The following BUB1 variants were observed in gnomAD, a reference collection of about 807,000 sequenced individuals.
BUB1 encodes mitotic checkpoint serine/threonine-protein kinase BUB1.
A neutral mutation model predicts 135.2 loss-of-function variants in BUB1; 84 were observed. That is an observed-to-expected ratio of 0.62 (90% CI 0.52 to 0.74). BUB1 has a LOEUF of 0.74. BUB1 is among the 30% of genes least tolerant of loss of function. The pLI is 0.00. For missense variants in BUB1, 1,162 were observed against 1,288.3 expected, an observed-to-expected ratio of 0.90 and a Z score of 1.50; for synonymous variants, 403 against 434.4, an observed-to-expected ratio of 0.93 and a Z score of 0.90.
intron 9 of BUB1, among the ~76,000 whole-genome samples, chr2:110,662,153 T>C (rs1365426621): frequency 6.6e-6 from 1 of 152,250 alleles, no homozygotes; most frequent in Admixed American, 6.5e-5. Context: ...CTTTACTTAA[T>C]TTTGGGAAAA....
chr2:110,642,618 G>A (rs1689535157), intron 19 of BUB1: 2 of 153,728 alleles, frequency 1.3e-5, no homozygotes, highest in African/African-American at 4.8e-5. Context: ...AATTGGGTTT[G>A]TTTGATACAT....
chr2:110,637,891 A>G lies in BUB1; in HGVS notation c.*73T>C, dbSNP rs963345687. The stretch of plus-strand genomic sequence containing the variant: ...CAAACATTTACATAAACAATAAATG[A>G]AAAAAAAACAGGTTTAAAGTGAGCA... On this transcript the variant is annotated 3_prime_UTR_variant, in exon 25 of 25. Coordinates refer to ENST00000302759, the MANE Select transcript of BUB1 (RefSeq NM_004336.5). 54 of 1,029,364 alleles carry G rather than the reference A, an allele frequency of 5.2e-5. No individual in the cohort carries two copies. The African/African-American group carries it at 8.4e-4, about 16-fold the overall frequency. The allele number at this position is 1,029,364 out of a possible 1,614,324, so 63.8% of individuals were successfully genotyped here.
chr2:110,642,196 C>G lies in BUB1; in HGVS notation c.2386G>C (p.Gly796Arg), dbSNP rs774922803. 3 of 1,613,658 alleles carry G rather than the reference C, an allele frequency of 1.9e-6. No individual in the cohort carries two copies. The highest frequency in any genetic ancestry group is 2.5e-6 in the Non-Finnish European group (3 of 1,179,794). The part of the protein sequence containing the change: ...LVYVHHLLGE[G>R]AFAQVYEATQ... ...GCTTCGTACACCTGGGCAAAGGCTC[C>G]TTCTCCAAGAAGGTGATGGACATAG... Residue 796 changes from glycine (G) to arginine (R), a missense_variant, in exon 20 of 25, where the codon GGA becomes CGA. Transcript: ENST00000302759.
rs867863036 is a variant in BUB1 at position 110,650,720 on chromosome 2, G to A, written c.2029C>T (p.Arg677Cys). The change falls in exon 18 of 25, where the codon CGT (arginine) becomes TGT (cysteine). Residue 677 changes from arginine (R) to cysteine (C), a missense_variant. Arg to Cys is a radical substitution (Grantham distance 180). Coordinates refer to ENST00000302759, the MANE Select transcript of BUB1 (RefSeq NM_004336.5). ...SSHMYSASLL[R>C]LSQPAAGGVL... ...CCACCTGCAGCAGGCTGGCTCAGACGAAGTAAGGATGCTGAATACATGTGA... is the reference window on the plus strand; with the variant it reads ...CCACCTGCAGCAGGCTGGCTCAGACAAAGTAAGGATGCTGAATACATGTGA... The A allele has an allele frequency of 5.6e-6, 9 of 1,613,928 alleles. No homozygotes were observed. Among genetic ancestry groups the A allele is most frequent in the African/African-American group, 5.3e-5 (4 of 74,896 alleles).
intron 16 of BUB1, among the ~76,000 whole-genome samples, chr2:110,653,946 A>C (rs1468514365): frequency 6.6e-6 from 1 of 152,194 alleles, no homozygotes; most frequent in Non-Finnish European, 1.5e-5. Flanking sequence ...TTGAGGCTGC[A>C]CTGCACTCAG....
chr2:110,659,881 A>T, intron 11 of BUB1, 97 bp downstream of exon 11: 1 of 894,536 alleles, frequency 1.1e-6, no homozygotes, highest in Non-Finnish European at 1.7e-6. Flanking sequence ...CAGGTTCATT[A>T]AGGCCTGAAG....
At chr2:110,646,989 G>A (rs553615574) in intron 19 of BUB1, among the ~76,000 whole-genome samples, 2 of 152,110 alleles carry the variant, frequency 1.3e-5, no homozygotes, top group South Asian at 4.1e-4. Context: ...CCACAAAAGA[G>A]AAATAGATAA....
intron 1 of BUB1, among the ~76,000 whole-genome samples, chr2:110,676,069 T>C (rs1420317480): frequency 2.0e-5 from 3 of 151,512 alleles, no homozygotes; most frequent in African/African-American, 7.3e-5. Flanking sequence ...TATATATAAA[T>C]AAAAACTTCT....
intron 4 of BUB1, 128 bp downstream of exon 4, chr2:110,672,533 C>T (rs1690450166): frequency 1.0e-6 from 1 of 973,348 alleles, no homozygotes; most frequent in Non-Finnish European, 1.5e-6. Context: ...TTTACACTAT[C>T]CTGTATTATC....
At position 110,666,427 on chromosome 2, in the gene BUB1, T is replaced by G; in HGVS notation, c.806-13A>C. On this transcript the variant is annotated splice_polypyrimidine_tract_variant and intron_variant, in intron 8 of 24. Coordinates refer to ENST00000302759, the MANE Select transcript of BUB1 (RefSeq NM_004336.5). ...CTGTCTTCATTTACTTTAGGAAAGA[T>G]AGAAATGGTTTGCATGCAAAATTTA... The G allele has an allele frequency of 7.3e-7, 1 of 1,361,768 alleles. No homozygotes were observed. The highest frequency in any genetic ancestry group is 9.6e-7 in the Non-Finnish European group (1 of 1,044,590). 84.4% of individuals were successfully genotyped at this position (1,361,768 alleles called of 1,614,324 possible).
chr2:110,658,714 T>C lies in BUB1; in HGVS notation c.1305A>G (p.Thr435=), dbSNP rs1316113727. 6.2e-7 allele frequency: 1 copy of C among 1,614,182 alleles called. No individual in the cohort carries two copies. Among genetic ancestry groups the C allele is most frequent in the Admixed American group, 1.7e-5 (1 of 60,014 alleles). Reference sequence around the variant, plus strand: ...TGTTTGGAGTTGTGTGAAAAGAACTTGTGTTGGCAACCTTATGTGTTTCAC... The same window carrying C: ...TGTTTGGAGTTGTGTGAAAAGAACTCGTGTTGGCAACCTTATGTGTTTCAC... ...EGCETHKVAN[T]SSFHTTPNTS... Residue 435 remains threonine (T), a synonymous_variant, in exon 12 of 25, where the codon ACA becomes ACG. Coordinates refer to ENST00000302759, the MANE Select transcript of BUB1 (RefSeq NM_004336.5).
At chr2:110,658,844 G>T in intron 11 of BUB1, 102 bp from the exon 12 acceptor site, 1 of 1,429,890 alleles carries the variant, frequency 7.0e-7, no homozygotes. Context: ...GTTTGTCATT[G>T]TTAAAAATTA....
chr2:110,657,714 A>G, intron 13 of BUB1, 69 bp from the exon 14 acceptor site: 1 of 1,125,490 alleles, frequency 8.9e-7, no homozygotes, highest in Non-Finnish European at 1.2e-6. Flanking sequence ...TTAAACTTCA[A>G]CTACAAATAA....
chr2:110,657,591 G>A lies in BUB1; in HGVS notation c.1571C>T (p.Ser524Leu). 1 of 1,607,360 alleles carries A rather than the reference G, an allele frequency of 6.2e-7. No individual in the cohort carries two copies. Among genetic ancestry groups the A allele is most frequent in the Non-Finnish European group, 8.5e-7 (1 of 1,176,720 alleles). ...ATCTTCAAACACATGAAAAGCAGAT[G>A]ACAAAGAAGAGATGATCTTATTGAC... ...WGVNKIISSLSSAFHVFEDGN... is the reference protein window; with the variant it reads ...WGVNKIISSLLSAFHVFEDGN... The change falls in exon 14 of 25, where the codon TCA becomes TTA. Residue 524 changes from serine (S) to leucine (L), a missense_variant. Physicochemically the swap from Ser to Leu is moderately radical, Grantham distance 145. Coordinates refer to ENST00000302759, the MANE Select transcript of BUB1 (RefSeq NM_004336.5).
At position 110,672,863 on chromosome 2, in the gene BUB1, C is replaced by G. The variant is rs756523208; in HGVS notation, c.226-6G>C. The G allele has an allele frequency of 3.8e-6, 6 of 1,573,292 alleles. No individual in the cohort carries two copies. In the South Asian group the frequency reaches 7.0e-5, roughly 18 times the overall value. Reference sequence around the variant, plus strand: ...AGGTCACTGTTGTACTCAGCCTACACGAACCCAAAACAAAAAGACATAAGA... The same window carrying G: ...AGGTCACTGTTGTACTCAGCCTACAGGAACCCAAAACAAAAAGACATAAGA... On this transcript the variant is annotated splice_polypyrimidine_tract_variant and splice_region_variant and intron_variant, in intron 3 of 24. Coordinates refer to ENST00000302759, the MANE Select transcript of BUB1 (RefSeq NM_004336.5).
rs1311799281 is a variant in BUB1 at position 110,649,397 on chromosome 2, A to C, written c.2204-20T>G. ...TGAAGTCTTAAAGGAATGAGAAAAAAAAAAAAAAAGGGAACATGAATTGAG... is the reference window on the plus strand; with the variant it reads ...TGAAGTCTTAAAGGAATGAGAAAAACAAAAAAAAAGGGAACATGAATTGAG... On this transcript the variant is annotated intron_variant, in intron 18 of 24. Transcript: ENST00000302759. 38 of 1,543,498 alleles carry C rather than the reference A, an allele frequency of 2.5e-5. No homozygotes were observed. Among genetic ancestry groups the C allele is most frequent in the Non-Finnish European group, 3.2e-5 (37 of 1,150,348 alleles).
intron 6 of BUB1, among the ~76,000 whole-genome samples, chr2:110,669,112 C>G (rs546379569): frequency 6.6e-6 from 1 of 152,124 alleles, no homozygotes; most frequent in African/African-American, 2.4e-5. Context: ...CTCAGAAGCC[C>G]CCAGGTGGAT....
chr2:110,660,496 C>G (rs1690053480), intron 10 of BUB1, among the ~76,000 whole-genome samples: 2 of 151,634 alleles, frequency 1.3e-5, no homozygotes, highest in South Asian at 4.1e-4. Flanking sequence ...TGTTAAAATA[C>G]AGATGGAACT....
chr2:110,663,890 A>T (rs181255162), intron 9 of BUB1, among the ~76,000 whole-genome samples: 2 of 151,946 alleles, frequency 1.3e-5, no homozygotes, highest in Non-Finnish European at 2.9e-5. Flanking sequence ...TTAGCCAGGC[A>T]TGGTGGCAGG....
Sources: allele counts gnomAD v4.1 joint callset (sites outside exome capture counted in the v4.1 genomes callset), GRCh38; gene constraint gnomAD v4.1.1; transcripts MANE v1.5; gene names NCBI Gene and HGNC (gene_info 2026-07-23, HGNC 2026-07-21).